Variants in FHIP1A observed in about 807,000 individuals in gnomAD.
FHIP1A encodes the protein FHF complex subunit HOOK interacting protein 1A, also known as FHF complex subunit HOOK-interacting protein 1A.
FHIP1A carries 61 observed loss-of-function variants against 88.6 expected under a neutral mutation model. That is an observed-to-expected ratio of 0.69 (90% CI 0.56 to 0.85). FHIP1A has a LOEUF of 0.85. FHIP1A is among the 40% of genes least tolerant of loss of function. The probability of loss-of-function intolerance (pLI) is 0.00; values close to 1 mark genes in which losing one functional copy is unlikely to be tolerated. For synonymous variants in FHIP1A, 478 were observed against 496.0 expected, an observed-to-expected ratio of 0.96 and a Z score of 0.48; for missense variants, 1,154 against 1,273.5, an observed-to-expected ratio of 0.91 and a Z score of 1.43.
At chr4:151,453,238 T>C (rs1223939801) in intron 1 of FHIP1A, among the ~76,000 whole-genome samples, 1 of 152,020 alleles carries the variant, frequency 6.6e-6, no homozygotes, top group East Asian at 1.9e-4. Flanking sequence ...CTGATCTCAA[T>C]CTCCTGACCT....
At chr4:151,452,730 T>C (rs1728830705) in intron 1 of FHIP1A, among the ~76,000 whole-genome samples, 1 of 151,228 alleles carries the variant, frequency 6.6e-6, no homozygotes, top group African/African-American at 2.4e-5. Flanking sequence ...TGAGCAGAGA[T>C]TGGCGCCACT....
intron 3 of FHIP1A, among the ~76,000 whole-genome samples, chr4:151,540,781 G>A (rs1242291650): frequency 2.0e-5 from 3 of 152,234 alleles, no homozygotes; most frequent in Non-Finnish European, 4.4e-5. Context: ...CCTGAGTCAG[G>A]CAGCTGCTTT....
At chr4:151,506,230 C>G (rs1395799128) in intron 3 of FHIP1A, among the ~76,000 whole-genome samples, 1 of 152,028 alleles carries the variant, frequency 6.6e-6, no homozygotes, top group South Asian at 2.1e-4. Flanking sequence ...TGAAATTGAC[C>G]TCGGTGGTGA....
chr4:151,600,412 T>G (rs183632357), intron 7 of FHIP1A, among the ~76,000 whole-genome samples: 2 of 152,328 alleles, frequency 1.3e-5, no homozygotes, highest in East Asian at 3.9e-4. Context: ...CCCTAATGTT[T>G]GTCATATGTT....
chr4:151,472,557 T>G (rs1729559342), intron 2 of FHIP1A, among the ~76,000 whole-genome samples: 3 of 151,844 alleles, frequency 2.0e-5, no homozygotes, highest in Non-Finnish European at 4.4e-5. Flanking sequence ...GCCAAGGATG[T>G]TTATTACACT....
Position 151,656,521 on chromosome 4 carries a change from TG to T in FHIP1A, c.2730+112del, listed in dbSNP as rs1737246842. On this transcript the variant is annotated intron_variant, in intron 12 of 13. Coordinates refer to ENST00000435205, the MANE Select transcript of FHIP1A (RefSeq NM_001109977.3). This position sits in a 1 kb window ranked among gnomAD's most constrained non-coding sequence, Gnocchi z 4.2. The stretch of plus-strand genomic sequence containing the variant: ...AAAAATTCCTTTGCTCTAATTCATT[TG>T]CTTTCCTTCCCTGTCCTATTAAGCT... 2.5e-5 allele frequency: 29 copies of T among 1,174,490 alleles called. No homozygotes were observed. The highest frequency in any genetic ancestry group is 3.5e-5 in the Non-Finnish European group (29 of 837,854). The allele number at this position is 1,174,490 out of a possible 1,614,324, so 72.8% of individuals were successfully genotyped here.
chr4:151,557,919 C>G (rs986033949), intron 3 of FHIP1A, among the ~76,000 whole-genome samples: 1 of 152,086 alleles, frequency 6.6e-6, no homozygotes, highest in African/African-American at 2.4e-5. Context: ...TAGACTTACA[C>G]GTGTATGTGC....
chr4:151,514,390 A>G (rs1178411250), intron 3 of FHIP1A, among the ~76,000 whole-genome samples: 160 of 151,910 alleles, frequency 1.1e-3, no homozygotes, highest in African/African-American at 3.6e-3. Flanking sequence ...CACAATTAAA[A>G]GAACTAGAGA....
At chr4:151,452,951 T>TATATATATATATATATATATATATAC (rs1266623899) in intron 1 of FHIP1A, among the ~76,000 whole-genome samples, 15 of 119,404 alleles carry the variant, frequency 1.3e-4, no homozygotes, top group African/African-American at 3.8e-4. Flanking sequence ...TATATATATA[T>TATATATATATATATATATATATATAC]ACATACACAC....
At chr4:151,451,480 A>C (rs1421070969) in intron 1 of FHIP1A, among the ~76,000 whole-genome samples, 2 of 152,184 alleles carry the variant, frequency 1.3e-5, no homozygotes, top group African/African-American at 4.8e-5. Flanking sequence ...TGAAAGATAG[A>C]ATCTAATGAA....
chr4:151,474,787 C>T (rs765920182), intron 2 of FHIP1A, among the ~76,000 whole-genome samples: 7 of 152,172 alleles, frequency 4.6e-5, no homozygotes, highest in Admixed American at 3.9e-4. Context: ...AAGGTCACAG[C>T]TTCATGATGC....
At chr4:151,576,152 A>G (rs1440012807) in intron 4 of FHIP1A, among the ~76,000 whole-genome samples, 2 of 152,232 alleles carry the variant, frequency 1.3e-5, no homozygotes, top group Non-Finnish European at 2.9e-5. Context: ...GGAAGTAAGT[A>G]TCTGTTGGCA....
chr4:151,665,142 CT>C lies in FHIP1A; in HGVS notation c.*2393del, dbSNP rs1380279680. 6.6e-6 allele frequency among the ~76,000 whole-genome samples: 1 copy of C among 151,988 alleles called. No individual in the cohort carries two copies. Among genetic ancestry groups the C allele is most frequent in the Non-Finnish European group, 1.5e-5 (1 of 67,992 alleles). ...GGAACGTGCCACCACACCCAGCTAA[CT>C]TTTTGGTATAGTTTGTAGAGATGGG... On this transcript the variant is annotated 3_prime_UTR_variant, in exon 14 of 14. Transcript: ENST00000435205.
chr4:151,595,176 T>C (rs1450526310), intron 7 of FHIP1A, among the ~76,000 whole-genome samples: 1 of 152,334 alleles, frequency 6.6e-6, no homozygotes, highest in African/African-American at 2.4e-5. Context: ...ACTATAAATT[T>C]CCCTCTGAAC....
chr4:151,581,714 T>G (rs1734033457), intron 5 of FHIP1A, among the ~76,000 whole-genome samples: 1 of 152,200 alleles, frequency 6.6e-6, no homozygotes, highest in African/African-American at 2.4e-5. Context: ...CTCTTTATGT[T>G]GAAGATAAAA....
chr4:151,512,278 A>T (rs1731065824), intron 3 of FHIP1A, among the ~76,000 whole-genome samples: 1 of 152,068 alleles, frequency 6.6e-6, no homozygotes, highest in Non-Finnish European at 1.5e-5. Flanking sequence ...CACACCAAAA[A>T]CCCATCTGTA....
At chr4:151,499,477 T>C (rs1368787292) in intron 3 of FHIP1A, among the ~76,000 whole-genome samples, 1 of 152,236 alleles carries the variant, frequency 6.6e-6, no homozygotes, top group Non-Finnish European at 1.5e-5. Flanking sequence ...TCTTGAACTT[T>C]CCTTGACCAT....
At chr4:151,428,467 C>G (rs149945132) in intron 1 of FHIP1A, among the ~76,000 whole-genome samples, 1 of 152,124 alleles carries the variant, frequency 6.6e-6, no homozygotes, top group Non-Finnish European at 1.5e-5. Context: ...ACCTTCTCTT[C>G]TGTGTTACTA....
At chr4:151,528,994 G>C (rs1731779936) in intron 3 of FHIP1A, among the ~76,000 whole-genome samples, 1 of 152,164 alleles carries the variant, frequency 6.6e-6, no homozygotes, top group Non-Finnish European at 1.5e-5. Flanking sequence ...CTGGTAGCCT[G>C]TCTCTGTGAG....
Sources: gnomAD v4.1 joint callset for allele counts (sites outside exome capture counted in the v4.1 genomes callset) on GRCh38, gnomAD v4.1.1 for gene constraint, Gnocchi (gnomAD v3.1) non-coding constraint, MANE v1.5 for transcripts, NCBI Gene and HGNC (gene_info 2026-07-23, HGNC 2026-07-21) for gene names.